Variants in TSPO2 observed in about 807,000 individuals in gnomAD.
TSPO2 encodes translocator protein 2, also known as benzodiazapine receptor (peripheral)-like 1.
TSPO2 carries 15 observed loss-of-function variants against 13.3 expected under a neutral mutation model. The ratio of observed to expected loss-of-function variants is 1.13; its 90% CI spans 0.75 to 1.73. TSPO2 has a LOEUF of 1.73. Ranked by LOEUF, TSPO2 falls within the 40% of genes most tolerant of loss-of-function variation. The pLI is 0.00. For missense variants in TSPO2, 202 were observed against 198.3 expected (o/e 1.02, Z -0.11); for synonymous variants, 81 against 91.6 (o/e 0.88, Z 0.66).
In TSPO2 at chr6:41,042,484, C is replaced by T. The variant is rs1007186011; in HGVS notation, c.-315C>T. ...CCTGGGACAGATGTGCTGCCGCATT[C>T]GTGACTAGAAAAGAGTCCCCAGGAA... On this transcript the variant is annotated 5_prime_UTR_variant, in exon 1 of 4. Transcript: ENST00000373161. 2 of 342,202 alleles carry T rather than the reference C, an allele frequency of 5.8e-6. No individual in the cohort carries two copies. Among genetic ancestry groups the T allele is most frequent in the African/African-American group, 2.1e-5 (1 of 46,520 alleles). 21.2% of individuals were successfully genotyped at this position (342,202 alleles called of 1,614,324 possible). A position where few individuals can be genotyped will look rare whatever the true frequency, so the allele number is the denominator to read the frequency against.
Position 41,042,612 on chromosome 6 carries a change from C to T in TSPO2, c.-187C>T. 2.2e-6 allele frequency: 1 copy of T among 456,992 alleles called. No individual in the cohort carries two copies. The allele number at this position is 456,992 out of a possible 1,614,324, so 28.3% of individuals were successfully genotyped here. ...CAGCTACATACCTGGCTAAGCGCTG[C>T]CCACTGCAGAAAAGCTCATCACCCG... On this transcript the variant is annotated 5_prime_UTR_variant, in exon 1 of 4. Transcript: ENST00000373161.
chr6:41,043,464 C>A, intron 2 of TSPO2, 93 bp from the exon 3 acceptor site: 2 of 1,474,132 alleles, frequency 1.4e-6, no homozygotes, highest in Non-Finnish European at 1.8e-6. Context: ...TTTCAGCCCA[C>A]AAGGGTATCC....
Position 41,043,663 on chromosome 6 carries a change from C to G in TSPO2, c.280C>G (p.Leu94Val), listed in dbSNP as rs765438955. ...TCAGCTCACCATCAGCTGGACTGTC[C>G]TGGTTCTCTTTTTCACAGTCCACAA... ...AVQLTISWTVLVLFFTVHNPG... is the reference protein window; with the variant it reads ...AVQLTISWTVVVLFFTVHNPG... Residue 94 changes from leucine (L) to valine (V), a missense_variant, in exon 3 of 4, where the codon CTG becomes GTG. Leu to Val is a conservative substitution (Grantham distance 32). Coordinates refer to ENST00000373161, the MANE Select transcript of TSPO2 (RefSeq NM_001010873.3). 3.1e-6 allele frequency: 5 copies of G among 1,611,938 alleles called. No individual in the cohort carries two copies. The highest frequency in any genetic ancestry group is 1.6e-4 in the Middle Eastern group (1 of 6,072).
chr6:41,043,781 G>C (rs929851153), intron 3 of TSPO2, 83 bp downstream of exon 3: 2 of 1,553,940 alleles, frequency 1.3e-6, no homozygotes, highest in South Asian at 2.4e-5. Flanking sequence ...ATTCAGCAGA[G>C]CAATTGAGTG....
intron 2 of TSPO2, 112 bp from the exon 3 acceptor site, chr6:41,043,445 C>CTAGA (rs1170182374): frequency 1.3e-5 from 18 of 1,379,050 alleles, no homozygotes; most frequent in Middle Eastern, 2.6e-4. Context: ...CTAAACCCAT[C>CTAGA]TGCCCCCATT....
intron 1 of TSPO2, 61 bp from the exon 2 acceptor site, chr6:41,042,905 C>A: frequency 6.5e-7 from 1 of 1,545,038 alleles, no homozygotes; most frequent in Non-Finnish European, 8.9e-7. Context: ...GGTTAGGAGG[C>A]AGAGACAGAC....
In TSPO2 at chr6:41,044,002, C is replaced by T. The variant is rs1313003718; in HGVS notation, c.378C>T (p.Pro126=). The part of the protein sequence containing the change: ...LVVSTALIWH[P]INKLAALLLL... The stretch of plus-strand genomic sequence containing the variant: ...TGAGCACAGCACTGATCTGGCATCC[C>T]ATCAACAAACTGGCTGCCCTGTTAC... The change falls in exon 4 of 4, where the codon CCC becomes CCT. Residue 126 remains proline, a synonymous_variant. Coordinates refer to ENST00000373161, the MANE Select transcript of TSPO2 (RefSeq NM_001010873.3). The T allele has an allele frequency of 6.2e-7, 1 of 1,614,050 alleles. No individual in the cohort carries two copies. Among genetic ancestry groups the T allele is most frequent in the Admixed American group, 1.7e-5 (1 of 59,998 alleles).
At chr6:41,042,934 G>A (rs1164748896) in intron 1 of TSPO2, 32 bp from the exon 2 acceptor site, 3 of 1,603,784 alleles carry the variant, frequency 1.9e-6, no homozygotes, top group Non-Finnish European at 2.6e-6. Flanking sequence ...GCAGGGGAAG[G>A]CTCATCACTA....
At chr6:41,043,720 A>G (rs980470941) in intron 3 of TSPO2, 22 bp downstream of exon 3, 3 of 1,578,040 alleles carry the variant, frequency 1.9e-6, no homozygotes, top group African/African-American at 2.7e-5. Flanking sequence ...AGTGCTCAGT[A>G]GCAGAAGTAA....
rs756370980 is a variant in TSPO2 at position 41,043,062 on chromosome 6, A to C, written c.77A>C (p.His26Pro). ...CTGGTCTGGCTGTTCACTCGTGATCACATGTCTGGTTGGTGTGAGGGCCCG... is the reference window on the plus strand; with the variant it reads ...CTGGTCTGGCTGTTCACTCGTGATCCCATGTCTGGTTGGTGTGAGGGCCCG... Reference protein sequence around the residue: ...PILVWLFTRDHMSGWCEGPRM... With the variant: ...PILVWLFTRDPMSGWCEGPRM... Residue 26 changes from histidine to proline, a missense_variant, in exon 2 of 4, where the codon CAC becomes CCC. Transcript: ENST00000373161. The C allele has an allele frequency of 6.2e-7, 1 of 1,614,116 alleles. No individual in the cohort carries two copies. Among genetic ancestry groups the C allele is most frequent in the South Asian group, 1.1e-5 (1 of 91,070 alleles).
upstream of TSPO2, among the ~76,000 whole-genome samples, chr6:41,041,939 C>G (rs1438673056): frequency 6.6e-6 from 1 of 151,390 alleles, no homozygotes; most frequent in African/African-American, 2.4e-5. Context: ...TGCACCACTG[C>G]ACTCCAGCCT....
intron 2 of TSPO2, 133 bp downstream of exon 2, chr6:41,043,291 C>A: frequency 8.5e-7 from 1 of 1,178,002 alleles, no homozygotes; most frequent in Non-Finnish European, 1.2e-6. Context: ...CATAGTGGGT[C>A]CTCCAGAAAG....
In TSPO2 at chr6:41,043,001, GCTAT is replaced by G; in HGVS notation, c.19_22del (p.Ile7LeufsTer111). ...TTCAAGGTGAATGCGGCTTCAAGGG[GCTAT>G]CTTTGTGCTCCTGCCCCACCTGGGG... On this transcript the variant is annotated frameshift_variant, in exon 2 of 4. Transcript: ENST00000373161. LOFTEE classifies it high-confidence loss of function. 6 of 1,613,926 alleles carry G rather than the reference GCTAT, an allele frequency of 3.7e-6. No individual in the cohort carries two copies. Among genetic ancestry groups the G allele is most frequent in the Non-Finnish European group, 5.1e-6 (6 of 1,179,896 alleles).
chr6:41,042,265 C>A (rs557624144), upstream of TSPO2, among the ~76,000 whole-genome samples: 28 of 152,308 alleles, frequency 1.8e-4, no homozygotes, highest in African/African-American at 6.7e-4. Flanking sequence ...AACCTGGATG[C>A]TTGTGCTTAC....
upstream of TSPO2, among the ~76,000 whole-genome samples, chr6:41,042,044 C>A (rs1762595881): frequency 1.3e-5 from 2 of 151,600 alleles, 1 homozygote; most frequent in South Asian, 4.2e-4. Flanking sequence ...AGATTGTTTT[C>A]TCTCCTTCAA....
At position 41,043,816 on chromosome 6, in the gene TSPO2, T is replaced by A; in HGVS notation, c.315+118T>A. On this transcript the variant is annotated intron_variant, in intron 3 of 3. Coordinates refer to ENST00000373161, the MANE Select transcript of TSPO2 (RefSeq NM_001010873.3). ...GCAGGCAGGTAATGGGTGGGCAGAC[T>A]TCTCTGCACTCCCATGGTGTGCACA... The A allele has an allele frequency of 2.0e-6, 3 of 1,511,364 alleles. No individual in the cohort carries two copies. The East Asian group carries it at 6.9e-5, about 35-fold the overall frequency. 93.6% of individuals were successfully genotyped at this position (1,511,364 alleles called of 1,614,324 possible). A position where few individuals can be genotyped will look rare whatever the true frequency, so the allele number is the denominator to read the frequency against.
rs1336374135 is a variant in TSPO2 at position 41,043,532 on chromosome 6, T to C, written c.174-25T>C. 6.4e-6 allele frequency: 10 copies of C among 1,551,400 alleles called. No individual in the cohort carries two copies. In the East Asian group the frequency reaches 2.0e-4, roughly 32 times the overall value. ...TGCCACGGAACCTCCTCCCACTGAA[T>C]GTTTTTGCCACCATGTCTCCACAGC... On this transcript the variant is annotated intron_variant, in intron 2 of 3. Transcript: ENST00000373161.
chr6:41,043,115 A>G lies in TSPO2; in HGVS notation c.130A>G (p.Lys44Glu), dbSNP rs746696898. 1.2e-5 allele frequency: 19 copies of G among 1,613,944 alleles called. No homozygotes were observed. Among genetic ancestry groups the G allele is most frequent in the South Asian group, 5.5e-5 (5 of 91,078 alleles). ...GATGCTGTCCTGGTGCCCATTCTAC[A>G]AAGTCTTATTGCTTGTACAGACAGC... ...PRMLSWCPFY[K>E]VLLLVQTAIY... Residue 44 changes from lysine to glutamate, a missense_variant, in exon 2 of 4, where the codon AAA (lysine) becomes GAA (glutamate). Transcript: ENST00000373161.
rs1319123649 is a variant in TSPO2 at position 41,043,977 on chromosome 6, T to C, written c.353T>C (p.Val118Ala). 6.2e-7 allele frequency: 1 copy of C among 1,614,052 alleles called. No homozygotes were observed. The highest frequency in any genetic ancestry group is 1.1e-5 in the South Asian group (1 of 91,030). The change falls in exon 4 of 4, where the codon GTG (valine) becomes GCG (alanine). Residue 118 changes from valine (V) to alanine (A), a missense_variant. Physicochemically the swap from Val to Ala is moderately conservative, Grantham distance 64. Transcript: ENST00000373161. ...CTGCTGCTGCTGTATGGGCTGGTGGTGAGCACAGCACTGATCTGGCATCCC... is the reference window on the plus strand; with the variant it reads ...CTGCTGCTGCTGTATGGGCTGGTGGCGAGCACAGCACTGATCTGGCATCCC... ...LHLLLLYGLVVSTALIWHPIN... is the reference protein window; with the variant it reads ...LHLLLLYGLVASTALIWHPIN...
Sources: gnomAD v4.1 joint callset for allele counts (sites outside exome capture counted in the v4.1 genomes callset) on GRCh38, gnomAD v4.1.1 for gene constraint, MANE v1.5 for transcripts, NCBI Gene and HGNC (gene_info 2026-07-23, HGNC 2026-07-21) for gene names.